The following P2RX1 variants were observed in gnomAD, a reference collection of about 807,000 sequenced individuals.
P2RX1 encodes the protein purinergic receptor P2X 1.
In P2RX1, 42 loss-of-function variants were observed where a neutral mutation model predicts 50.3. That is an observed-to-expected ratio of 0.83 (90% CI 0.65 to 1.08). The LOEUF (loss-of-function observed/expected upper bound fraction) is 1.08, where lower values mean the gene tolerates loss of function less well. Ranked by LOEUF, P2RX1 falls within the 50% of genes least tolerant of loss-of-function variation. P2RX1 has a pLI of 0.00. For synonymous variants in P2RX1, 199 were observed against 202.6 expected, an observed-to-expected ratio of 0.98 and a Z score of 0.15; for missense variants, 449 against 529.0, an observed-to-expected ratio of 0.85 and a Z score of 1.48.
At chr17:3,907,012 C>T (rs1196426265) in intron 1 of P2RX1, among the ~76,000 whole-genome samples, 1 of 152,174 alleles carries the variant, frequency 6.6e-6, no homozygotes, top group Non-Finnish European at 1.5e-5. Context: ...GCAATCCTGA[C>T]AATGAAGCTC....
intron 4 of P2RX1, 118 bp downstream of exon 4, chr17:3,904,212 G>A (rs2056213002): frequency 1.2e-5 from 14 of 1,154,116 alleles, no homozygotes; most frequent in South Asian, 2.5e-5. Flanking sequence ...AGTCCCTCCC[G>A]GAGGCCGCCT....
In P2RX1 at chr17:3,903,426, C is replaced by G; in HGVS notation, c.606-83G>C. ...CGCCCCAAAGCCTGGGGACCCCTCACAGGCTCCACATTGCCCCTTTGATTC... is the reference window on the plus strand; with the variant it reads ...CGCCCCAAAGCCTGGGGACCCCTCAGAGGCTCCACATTGCCCCTTTGATTC... On this transcript the variant is annotated intron_variant, in intron 6 of 11. Coordinates refer to ENST00000225538, the MANE Select transcript of P2RX1 (RefSeq NM_002558.4). The surrounding 1 kb of genome is among the most constrained non-coding windows in gnomAD (Gnocchi z 4.6). The G allele has an allele frequency of 6.3e-7, 1 of 1,597,478 alleles. No homozygotes were observed. The highest frequency in any genetic ancestry group is 8.6e-7 in the Non-Finnish European group (1 of 1,168,026).
intron 2 of P2RX1, 31 bp from the exon 3 acceptor site, chr17:3,904,960 T>C (rs1466625279): frequency 1.9e-5 from 4 of 211,118 alleles, no homozygotes; most frequent in Non-Finnish European, 2.0e-5. Flanking sequence ...GAGGGTGGGG[T>C]GGGCTGGGAG....
intron 2 of P2RX1, 97 bp downstream of exon 2, chr17:3,905,123 G>C: frequency 6.7e-7 from 1 of 1,503,014 alleles, no homozygotes; most frequent in South Asian, 1.1e-5. Context: ...CAGAGAGAAA[G>C]AGGAGCTGGG....
chr17:3,898,419 G>T, intron 10 of P2RX1, 65 bp downstream of exon 10: 1 of 1,280,866 alleles, frequency 7.8e-7, no homozygotes, highest in Non-Finnish European at 1.1e-6. Flanking sequence ...ACGTCTTGCT[G>T]CTACTGAATT....
rs1187574586 is a variant in P2RX1, at chr17:3,897,581, C to A, written c.*233G>T. On this transcript the variant is annotated 3_prime_UTR_variant, in exon 12 of 12. Coordinates refer to ENST00000225538, the MANE Select transcript of P2RX1 (RefSeq NM_002558.4). ...CTGCCCAGCCCCAGCCATTCCCCAC[C>A]AGGAGCGGCTGAGGCTAGGGTAGGG... The A allele has an allele frequency of 1.7e-6, 1 of 591,350 alleles. No homozygotes were observed. Among genetic ancestry groups the A allele is most frequent in the African/African-American group, 1.9e-5 (1 of 53,862 alleles). The allele number at this position is 591,350 out of a possible 1,614,324, so 36.6% of individuals were successfully genotyped here. A position where few individuals can be genotyped will look rare whatever the true frequency, so the allele number is the denominator to read the frequency against.
At chr17:3,902,894 C>T (rs1471519808) in intron 7 of P2RX1, among the ~76,000 whole-genome samples, 2 of 152,220 alleles carry the variant, frequency 1.3e-5, no homozygotes, top group East Asian at 1.9e-4. Flanking sequence ...TAGGCACGAC[C>T]CTCCGCACCT....
At chr17:3,909,358 G>C (rs2056324110) in intron 1 of P2RX1, among the ~76,000 whole-genome samples, 1 of 152,074 alleles carries the variant, frequency 6.6e-6, no homozygotes, top group Non-Finnish European at 1.5e-5. Flanking sequence ...AATTAGCACA[G>C]TGCCTGGCAC....
In P2RX1 at chr17:3,897,560, C is replaced by G; in HGVS notation, c.*254G>C. ...GTGCAGGTGTGTGGGAGGGTCCTGC[C>G]CAGCCCCAGCCATTCCCCACCAGGA... On this transcript the variant is annotated 3_prime_UTR_variant, in exon 12 of 12. Coordinates refer to ENST00000225538, the MANE Select transcript of P2RX1 (RefSeq NM_002558.4). 1.7e-6 allele frequency: 1 copy of G among 583,590 alleles called. No homozygotes were observed. The highest frequency in any genetic ancestry group is 3.1e-6 in the Non-Finnish European group (1 of 325,256). The allele number at this position is 583,590 out of a possible 1,614,324, so 36.2% of individuals were successfully genotyped here. A position where few individuals can be genotyped will look rare whatever the true frequency, so the allele number is the denominator to read the frequency against.
chr17:3,911,141 C>T (rs2144061098), intron 1 of P2RX1, among the ~76,000 whole-genome samples: 1 of 150,110 alleles, frequency 6.7e-6, no homozygotes, highest in Middle Eastern at 3.4e-3. Context: ...CACGCGCCAC[C>T]ACACCTGGGT....
At chr17:3,904,199 G>A in intron 4 of P2RX1, 131 bp downstream of exon 4, 1 of 1,043,100 alleles carries the variant, frequency 9.6e-7, no homozygotes, top group East Asian at 2.4e-5. Context: ...GACGGCAGGA[G>A]GGAGTCCCTC....
intron 2 of P2RX1, 107 bp downstream of exon 2, chr17:3,905,113 C>A: frequency 6.8e-7 from 1 of 1,466,328 alleles, no homozygotes; most frequent in Non-Finnish European, 9.4e-7. Context: ...CACAGAGGTC[C>A]AGAGAGAAAG....
In P2RX1 at chr17:3,898,054, G is replaced by A; in HGVS notation, c.1089C>T (p.Tyr363=). 5 of 1,613,482 alleles carry A rather than the reference G, an allele frequency of 3.1e-6. No individual in the cohort carries two copies. The South Asian group carries it at 4.4e-5, about 14-fold the overall frequency. ...CAGCGTATTTGAACTTCTTCTGCTTGTAGTAGTGCCTCTTAGGCAGGATGT... is the reference window on the plus strand; with the variant it reads ...CAGCGTATTTGAACTTCTTCTGCTTATAGTAGTGCCTCTTAGGCAGGATGT... ...LLHILPKRHY[Y]KQKKFKYAED... The change falls in exon 11 of 12, where the codon TAC becomes TAT. Residue 363 remains tyrosine, a synonymous_variant. Coordinates refer to ENST00000225538, the MANE Select transcript of P2RX1 (RefSeq NM_002558.4).
In P2RX1 at chr17:3,897,887, C is replaced by G. The variant is rs779223288; in HGVS notation, c.1135-8G>C. 1.2e-6 allele frequency: 2 copies of G among 1,613,956 alleles called. No homozygotes were observed. The highest frequency in any genetic ancestry group is 2.2e-5 in the South Asian group (2 of 91,080). On this transcript the variant is annotated splice_polypyrimidine_tract_variant and splice_region_variant and intron_variant, in intron 11 of 11. Coordinates refer to ENST00000225538, the MANE Select transcript of P2RX1 (RefSeq NM_002558.4). Reference sequence around the variant, plus strand: ...TGCGAGGTCACGCTCAGCCTGTGTACGTGGTGCAAGGGTTGGGGGATACAA... The same window carrying G: ...TGCGAGGTCACGCTCAGCCTGTGTAGGTGGTGCAAGGGTTGGGGGATACAA...
At chr17:3,912,750 C>T (rs1057026681) in intron 1 of P2RX1, among the ~76,000 whole-genome samples, 2 of 152,212 alleles carry the variant, frequency 1.3e-5, no homozygotes, top group Admixed American at 6.5e-5. Context: ...CTCTGTTCCC[C>T]GGCACAGCAC....
chr17:3,897,377 T>C lies in P2RX1; in HGVS notation c.*437A>G, dbSNP rs2056048433. Reference sequence around the variant, plus strand: ...TACTGAGCAGTTGAAATGTGGCTAGTTCAGCCGAGGAATTGAATTTTGTGT... The same window carrying C: ...TACTGAGCAGTTGAAATGTGGCTAGCTCAGCCGAGGAATTGAATTTTGTGT... On this transcript the variant is annotated 3_prime_UTR_variant, in exon 12 of 12. Transcript: ENST00000225538. The C allele has an allele frequency of 7.4e-6, 2 of 269,268 alleles. No individual in the cohort carries two copies. The highest frequency in any genetic ancestry group is 4.4e-5 in the African/African-American group (2 of 45,876). 16.7% of individuals were successfully genotyped at this position (269,268 alleles called of 1,614,324 possible).
Position 3,903,436 on chromosome 17 carries a change from A to G in P2RX1, c.606-93T>C. On this transcript the variant is annotated intron_variant, in intron 6 of 11. Coordinates refer to ENST00000225538, the MANE Select transcript of P2RX1 (RefSeq NM_002558.4). This position sits in a 1 kb window ranked among gnomAD's most constrained non-coding sequence, Gnocchi z 4.6. ...CCTGGGGACCCCTCACAGGCTCCACATTGCCCCTTTGATTCCTTCCACGCC... is the reference window on the plus strand; with the variant it reads ...CCTGGGGACCCCTCACAGGCTCCACGTTGCCCCTTTGATTCCTTCCACGCC... The G allele has an allele frequency of 6.3e-7, 1 of 1,592,262 alleles. No individual in the cohort carries two copies. The highest frequency in any genetic ancestry group is 2.2e-5 in the East Asian group (1 of 44,594).
rs544139802 is a variant in P2RX1 at position 3,901,351 on chromosome 17, G to A, written c.748-1590C>T. 9.2e-5 allele frequency among the ~76,000 whole-genome samples: 14 copies of A among 152,362 alleles called. No homozygotes were observed. The South Asian group carries it at 1.2e-3, about 14-fold the overall frequency. On this transcript the variant is annotated intron_variant, in intron 7 of 11. Coordinates refer to ENST00000225538, the MANE Select transcript of P2RX1 (RefSeq NM_002558.4). Reference sequence around the variant, plus strand: ...CAAAGTGCTGGGATTACAGGCGTGAGCCACCGCACCCAGCCCTGATGACAG... The same window carrying A: ...CAAAGTGCTGGGATTACAGGCGTGAACCACCGCACCCAGCCCTGATGACAG...
intron 11 of P2RX1, 40 bp from the exon 12 acceptor site, chr17:3,897,919 G>A (rs2056061784): frequency 6.2e-7 from 1 of 1,612,204 alleles, no homozygotes; most frequent in African/African-American, 1.3e-5. Flanking sequence ...ACAAGTCAGT[G>A]CTGGGGAAGC....
Sources: gnomAD v4.1 joint callset for allele counts (sites outside exome capture counted in the v4.1 genomes callset) on GRCh38, gnomAD v4.1.1 for gene constraint, Gnocchi (gnomAD v3.1) non-coding constraint, MANE v1.5 for transcripts, NCBI Gene and HGNC (gene_info 2026-07-23, HGNC 2026-07-21) for gene names.